KDM4B: variants seen among roughly 807,000 people sequenced by gnomAD.
KDM4B encodes the protein lysine-specific demethylase 4B.
KDM4B carries 32 observed loss-of-function variants against 125.2 expected under a neutral mutation model. That is an observed-to-expected ratio of 0.26 (90% CI 0.19 to 0.34). The LOEUF (loss-of-function observed/expected upper bound fraction) is 0.34. Among genes scored for constraint, KDM4B ranks in the 10% least tolerant of loss-of-function variants. KDM4B has a pLI of 1.00. For missense variants in KDM4B, 1,190 were observed against 1,577.7 expected (o/e 0.75, Z 4.16); for synonymous variants, 721 against 677.9 (o/e 1.06, Z -0.99).
At chr19:5,088,576 C>T (rs566068322) in intron 9 of KDM4B, among the ~76,000 whole-genome samples, 11 of 151,966 alleles carry the variant, frequency 7.2e-5, no homozygotes, top group Admixed American at 2.0e-4. Context: ...AAACCTAGGC[C>T]GTTCATCTGT....
Position 5,131,888 on chromosome 19 carries a change from C to T in KDM4B, c.1787C>T (p.Ala596Val). 2 of 1,612,808 alleles carry T rather than the reference C, an allele frequency of 1.2e-6. No homozygotes were observed. Among genetic ancestry groups the T allele is most frequent in the Admixed American group, 1.7e-5 (1 of 59,986 alleles). The change falls in exon 13 of 23, where the codon GCA (alanine) becomes GTA (valine). Residue 596 changes from alanine to valine, a missense_variant and splice_region_variant. By Grantham distance (64) the Ala-to-Val change is moderately conservative (BLOSUM62 0). Transcript: ENST00000159111. The stretch of plus-strand genomic sequence containing the variant: ...ACTACAGCCTGTTGTGTGTTTCAGG[C>T]ACCGTCCACATTTTCCAAATTGAAG... ...ETKARAGEGQ[A>V]PSTFSKLKME...
chr19:5,150,499 G>T, intron 22 of KDM4B, 49 bp downstream of exon 22: 1 of 1,357,590 alleles, frequency 7.4e-7, no homozygotes. Context: ...CAGGGAGCCC[G>T]TCTGGGACGA....
rs1340689324 is a variant in KDM4B at position 5,153,485 on chromosome 19, A to G, written c.*1974A>G. The stretch of plus-strand genomic sequence containing the variant: ...GTCTTACTCTGTGCAAAGACGCGGC[A>G]AAACCCAGTGCCCTGGTTTTTCCCC... On this transcript the variant is annotated 3_prime_UTR_variant, in exon 23 of 23. Coordinates refer to ENST00000159111, the MANE Select transcript of KDM4B (RefSeq NM_015015.3). 6.6e-6 allele frequency: 1 copy of G among 152,200 alleles called. No individual in the cohort carries two copies. Among genetic ancestry groups the G allele is most frequent in the African/African-American group, 2.4e-5 (1 of 41,448 alleles). 9.4% of individuals were successfully genotyped at this position (152,200 alleles called of 1,614,324 possible). A position where few individuals can be genotyped will look rare whatever the true frequency, so the allele number is the denominator to read the frequency against.
At chr19:5,011,602 G>T (rs2035730144) in intron 1 of KDM4B, among the ~76,000 whole-genome samples, 1 of 152,204 alleles carries the variant, frequency 6.6e-6, no homozygotes, top group African/African-American at 2.4e-5. Flanking sequence ...AGGCAGGGCT[G>T]GGCCCTGGGC....
intron 1 of KDM4B, among the ~76,000 whole-genome samples, chr19:4,996,783 TG>T (rs2035214717): frequency 1.3e-5 from 2 of 152,182 alleles, no homozygotes; most frequent in Admixed American, 1.3e-4. Context: ...TGATTTGGTA[TG>T]TTTTTTTTCT....
At chr19:5,087,984 C>T (rs780358495) in intron 9 of KDM4B, among the ~76,000 whole-genome samples, 2 of 152,148 alleles carry the variant, frequency 1.3e-5, no homozygotes, top group South Asian at 2.1e-4. Flanking sequence ...TCACGTCTTT[C>T]GGGAGCTAAA....
chr19:5,014,822 C>T (rs894912254), intron 1 of KDM4B, among the ~76,000 whole-genome samples: 5 of 151,806 alleles, frequency 3.3e-5, no homozygotes, highest in African/African-American at 7.3e-5. Context: ...GGTGAAACCC[C>T]GTCTCTACTA....
intron 1 of KDM4B, among the ~76,000 whole-genome samples, chr19:5,014,263 C>G (rs929266916): frequency 1.3e-5 from 2 of 152,290 alleles, no homozygotes; most frequent in African/African-American, 2.4e-5. Flanking sequence ...TGCTACCACA[C>G]CCGGCTAAGT....
chr19:5,059,904 G>A (rs1032686455), intron 6 of KDM4B, among the ~76,000 whole-genome samples: 11 of 152,320 alleles, frequency 7.2e-5, no homozygotes, highest in African/African-American at 1.9e-4. Flanking sequence ...CTGCCTCTCC[G>A]GGATGCCTGC....
chr19:4,992,371 T>C (rs1328174342), intron 1 of KDM4B, among the ~76,000 whole-genome samples: 1 of 152,196 alleles, frequency 6.6e-6, no homozygotes, highest in East Asian at 1.9e-4. Flanking sequence ...TAAATTAATA[T>C]TTGAGATCTT....
chr19:5,130,888 C>G (rs2039530284), intron 11 of KDM4B, among the ~76,000 whole-genome samples, 188 bp from the exon 12 acceptor site: 1 of 152,240 alleles, frequency 6.6e-6, no homozygotes, highest in South Asian at 2.1e-4. Flanking sequence ...GGGTGCCTGG[C>G]CAGGTGCCCC....
chr19:5,100,908 G>C (rs891789710), intron 9 of KDM4B, among the ~76,000 whole-genome samples: 5 of 152,064 alleles, frequency 3.3e-5, no homozygotes, highest in African/African-American at 1.2e-4. Flanking sequence ...ATTGACGATA[G>C]GTTTAAATTC....
intron 9 of KDM4B, among the ~76,000 whole-genome samples, chr19:5,097,835 A>T (rs958178505): frequency 1.1e-4 from 16 of 152,172 alleles, no homozygotes; most frequent in South Asian, 2.1e-4. Flanking sequence ...CTCCTGTGGG[A>T]GGTGCCCAGC....
At chr19:5,012,490 C>G (rs8107555) in intron 1 of KDM4B, among the ~76,000 whole-genome samples, 1 of 152,182 alleles carries the variant, frequency 6.6e-6, no homozygotes, top group Non-Finnish European at 1.5e-5. Context: ...CAGGATCCTT[C>G]GTGGCCCGTG....
chr19:4,990,003 G>A (rs571729889), intron 1 of KDM4B, among the ~76,000 whole-genome samples: 73 of 152,186 alleles, frequency 4.8e-4, no homozygotes, highest in African/African-American at 1.7e-3. Flanking sequence ...GAAACAGTTT[G>A]GGCCAGGTGC....
chr19:5,138,655 CA>C (rs911185266), intron 18 of KDM4B, among the ~76,000 whole-genome samples: 3 of 150,116 alleles, frequency 2.0e-5, no homozygotes, highest in Non-Finnish European at 3.0e-5. Flanking sequence ...GGCACTGTCT[CA>C]AAAAAAAACA....
chr19:5,037,687 A>C (rs1271148332), intron 3 of KDM4B, among the ~76,000 whole-genome samples: 1 of 152,154 alleles, frequency 6.6e-6, no homozygotes, highest in Non-Finnish European at 1.5e-5. Flanking sequence ...GGGTGGCGCC[A>C]TCCTGGGCAT....
chr19:5,006,395 C>T (rs1287129263), intron 1 of KDM4B, among the ~76,000 whole-genome samples: 8 of 152,166 alleles, frequency 5.3e-5, no homozygotes, highest in East Asian at 1.9e-4. Flanking sequence ...GCCCCTCCGC[C>T]GCATCTTTCT....
chr19:5,112,361 G>A (rs957241664), intron 10 of KDM4B: 1 of 154,630 alleles, frequency 6.5e-6, no homozygotes, highest in African/African-American at 2.4e-5. Context: ...CAACAGTGGT[G>A]GCCTTGGTGT....
Sources: gnomAD v4.1 joint callset for allele counts (sites outside exome capture counted in the v4.1 genomes callset) on GRCh38, gnomAD v4.1.1 for gene constraint, MANE v1.5 for transcripts, NCBI Gene and HGNC (gene_info 2026-07-23, HGNC 2026-07-21) for gene names.